The following SMAD2 variants were observed in gnomAD, a reference collection of about 807,000 sequenced individuals.
SMAD2 encodes the protein SMAD family member 2, also known as MAD homolog 2.
Under a neutral mutation model 64.4 loss-of-function variants are expected in SMAD2, and 8 were observed. The ratio of observed to expected loss-of-function variants is 0.12; its 90% CI spans 0.07 to 0.22. The LOEUF (loss-of-function observed/expected upper bound fraction) is 0.22, where lower values mean the gene tolerates loss of function less well. Ranked by LOEUF, SMAD2 falls within the 10% of genes least tolerant of loss-of-function variation. SMAD2 has a pLI of 1.00. For missense variants in SMAD2, 289 were observed against 561.2 expected (o/e 0.51, Z 4.90); for synonymous variants, 203 against 195.8 (o/e 1.04, Z -0.31).
chr18:47,904,704 G>C (rs2033834223), intron 1 of SMAD2, among the ~76,000 whole-genome samples: 1 of 152,082 alleles, frequency 6.6e-6, no homozygotes, highest in African/African-American at 2.4e-5. Context: ...TTTATCCCAA[G>C]GAGCAAAATT....
At chr18:47,925,010 C>T (rs1006780873) in intron 1 of SMAD2, among the ~76,000 whole-genome samples, 6 of 152,158 alleles carry the variant, frequency 3.9e-5, no homozygotes, top group Non-Finnish European at 8.8e-5. Flanking sequence ...ACCAGTGGTT[C>T]ACCCAAGATT....
chr18:47,872,866 T>A (rs1439706052), intron 2 of SMAD2, among the ~76,000 whole-genome samples: 1 of 152,130 alleles, frequency 6.6e-6, no homozygotes, highest in East Asian at 1.9e-4. Context: ...GAACAGCCGA[T>A]TTAAAGTATG....
chr18:47,907,456 C>G (rs1205812219), intron 1 of SMAD2, among the ~76,000 whole-genome samples: 2 of 152,158 alleles, frequency 1.3e-5, no homozygotes, highest in Non-Finnish European at 2.9e-5. Context: ...CAAAACTAAT[C>G]TAATGACAAG....
intron 1 of SMAD2, among the ~76,000 whole-genome samples, chr18:47,917,236 G>A (rs1057033344): frequency 6.6e-6 from 1 of 152,142 alleles, no homozygotes; most frequent in Non-Finnish European, 1.5e-5. Flanking sequence ...AAATTACTGA[G>A]AGGTATATTA....
rs577725724 is a variant in SMAD2 at position 47,827,365 on chromosome 18, C to T, written c.*14462G>A. ...GTTGAATCTTAAAAAAAAATTTATG[C>T]TCAATACCTCTCTCCAGCCAATCAC... On this transcript the variant is annotated 3_prime_UTR_variant, in exon 11 of 11. Transcript: ENST00000262160. The T allele has an allele frequency of 3.3e-5, 5 of 152,274 alleles. No individual in the cohort carries two copies. In the East Asian group the frequency reaches 9.6e-4, roughly 29 times the overall value. The allele number at this position is 152,274 out of a possible 1,614,324, so 9.4% of individuals were successfully genotyped here. A position where few individuals can be genotyped will look rare whatever the true frequency, so the allele number is the denominator to read the frequency against.
In SMAD2 at chr18:47,832,202, T is replaced by C. The variant is rs1913023682; in HGVS notation, c.*9625A>G. On this transcript the variant is annotated 3_prime_UTR_variant, in exon 11 of 11. Transcript: ENST00000262160. ...GCCATTTGATGAACATGTGGAATTA[T>C]GGATGCTAGGGCCATTATAAAAATC... is the stretch of plus-strand genomic sequence containing the variant. The C allele has an allele frequency of 6.6e-6, 1 of 152,208 alleles. No homozygotes were observed. Among genetic ancestry groups the C allele is most frequent in the Non-Finnish European group, 1.5e-5 (1 of 68,032 alleles). 9.4% of individuals were successfully genotyped at this position (152,208 alleles called of 1,614,324 possible).
chr18:47,845,909 T>A, intron 8 of SMAD2, 109 bp from the exon 9 acceptor site: 1 of 945,680 alleles, frequency 1.1e-6, no homozygotes, highest in Non-Finnish European at 1.7e-6. Context: ...ATTTCCAGGA[T>A]CTTTTTCACA....
At chr18:47,867,657 C>CAAAAAAAAAAAAAAAAAAAAAAAAAAAA (rs530649435) in intron 5 of SMAD2, among the ~76,000 whole-genome samples, 1 of 94,846 alleles carries the variant, frequency 1.1e-5, no homozygotes, top group African/African-American at 3.9e-5. Flanking sequence ...AGTTGTTCTC[C>CAAAAAAAAAAAAAAAAAAAAAAAAAAAA]AAAAAAAAAA....
At chr18:47,867,905 C>T (rs1598801416) in intron 5 of SMAD2, among the ~76,000 whole-genome samples, 2 of 152,172 alleles carry the variant, frequency 1.3e-5, no homozygotes, top group Middle Eastern at 6.8e-3. Flanking sequence ...TGTTATATTT[C>T]TGTTAAATAT....
At chr18:47,882,062 T>TC (rs1184252732) in intron 2 of SMAD2, among the ~76,000 whole-genome samples, 3 of 140,106 alleles carry the variant, frequency 2.1e-5, no homozygotes, top group Non-Finnish European at 3.0e-5. Flanking sequence ...TTTTTTTTTT[T>TC]TTTTTGTGGA....
rs1278412196 is a variant in SMAD2, at chr18:47,930,609, G to A, written c.-302C>T. ...GGAGGGGAGGAGAGGGAAGGGGAGG[G>A]GAGGGAGCCTGGCCGCCGCCCGCGG... On this transcript the variant is annotated 5_prime_UTR_variant, in exon 1 of 11. Coordinates refer to ENST00000262160, the MANE Select transcript of SMAD2 (RefSeq NM_005901.6). 1 of 150,122 alleles carries A rather than the reference G, an allele frequency of 6.7e-6. No homozygotes were observed. Among genetic ancestry groups the A allele is most frequent in the Non-Finnish European group, 1.5e-5 (1 of 67,402 alleles). 9.3% of individuals were successfully genotyped at this position (150,122 alleles called of 1,614,324 possible).
rs2144266242 is a variant in SMAD2, at chr18:47,837,578, A to AG, written c.*4248_*4249insC. The AG allele has an allele frequency of 4.4e-6, 1 of 227,046 alleles. No homozygotes were observed. Among genetic ancestry groups the AG allele is most frequent in the African/African-American group, 2.2e-5 (1 of 45,066 alleles). 14.1% of individuals were successfully genotyped at this position (227,046 alleles called of 1,614,324 possible). ...CTCCCTCTCAAAAAAAAAAAAAAAA[A>AG]ACAAAAAACAAGGCTAACAAGAAAG... is the stretch of plus-strand genomic sequence containing the variant. On this transcript the variant is annotated 3_prime_UTR_variant, in exon 11 of 11. Coordinates refer to ENST00000262160, the MANE Select transcript of SMAD2 (RefSeq NM_005901.6).
At chr18:47,890,827 T>C (rs2033154194) in intron 2 of SMAD2, among the ~76,000 whole-genome samples, 1 of 152,304 alleles carries the variant, frequency 6.6e-6, no homozygotes, top group African/African-American at 2.4e-5. Context: ...AGCAGTTGCT[T>C]AAGAATGGAA....
chr18:47,888,996 G>A (rs2033052099), intron 2 of SMAD2, among the ~76,000 whole-genome samples: 1 of 151,752 alleles, frequency 6.6e-6, no homozygotes, highest in South Asian at 2.1e-4. Flanking sequence ...ATAACTGAAG[G>A]ATATATTTGA....
In SMAD2 at chr18:47,829,182, T is replaced by C. The variant is rs1912892640; in HGVS notation, c.*12645A>G. 1 of 152,132 alleles carries C rather than the reference T, an allele frequency of 6.6e-6. No individual in the cohort carries two copies. The highest frequency in any genetic ancestry group is 6.5e-5 in the Admixed American group (1 of 15,280). The allele number at this position is 152,132 out of a possible 1,614,324, so 9.4% of individuals were successfully genotyped here. A position where few individuals can be genotyped will look rare whatever the true frequency, so the allele number is the denominator to read the frequency against. ...GCACCTGATGGAGACGTTTAATTTC[T>C]TCACTACAAGGAATTTCAAACTTAT... On this transcript the variant is annotated 3_prime_UTR_variant, in exon 11 of 11. Coordinates refer to ENST00000262160, the MANE Select transcript of SMAD2 (RefSeq NM_005901.6).
chr18:47,842,217 G>A (rs546412271), intron 10 of SMAD2, among the ~76,000 whole-genome samples: 3 of 151,972 alleles, frequency 2.0e-5, no homozygotes, highest in Non-Finnish European at 4.4e-5. Flanking sequence ...ATCCAAAATG[G>A]AACACCTGAG....
chr18:47,867,976 G>A (rs2031688962), intron 5 of SMAD2, among the ~76,000 whole-genome samples: 2 of 152,080 alleles, frequency 1.3e-5, no homozygotes, highest in South Asian at 2.1e-4. Context: ...GTGTTTGGGG[G>A]GTACTTTTCT....
intron 8 of SMAD2, among the ~76,000 whole-genome samples, chr18:47,847,070 T>A (rs931471387): frequency 1.9e-4 from 29 of 152,002 alleles, no homozygotes; most frequent in African/African-American, 7.0e-4. Flanking sequence ...ATAAAAAATT[T>A]AAAAAAATCC....
At chr18:47,871,522 GCTTTAGTA>G (rs2031931001) in intron 2 of SMAD2, among the ~76,000 whole-genome samples, 1 of 152,212 alleles carries the variant, frequency 6.6e-6, no homozygotes, top group African/African-American at 2.4e-5. Flanking sequence ...GGCATCCTTG[GCTTTAGTA>G]CTACAGGTGC....
Sources: allele counts gnomAD v4.1 joint callset (sites outside exome capture counted in the v4.1 genomes callset), GRCh38; gene constraint gnomAD v4.1.1; transcripts MANE v1.5; gene names NCBI Gene and HGNC (gene_info 2026-07-23, HGNC 2026-07-21).